Variants in SULT1C3 observed in about 807,000 individuals in gnomAD.
SULT1C3 encodes sulfotransferase family 1C member 3.
A neutral mutation model predicts 28.4 loss-of-function variants in SULT1C3; 31 were observed. The ratio of observed to expected loss-of-function variants is 1.09; its 90% confidence interval spans 0.82 to 1.47. The LOEUF (loss-of-function observed/expected upper bound fraction) is 1.47. Among genes scored for constraint, SULT1C3 ranks in the 40% most tolerant of loss-of-function variants. The probability of loss-of-function intolerance (pLI) is 0.00; values close to 1 mark genes in which losing one functional copy is unlikely to be tolerated. For synonymous variants in SULT1C3, 106 were observed against 92.2 expected, an observed-to-expected ratio of 1.15 and a Z score of -0.86; for missense variants, 307 against 272.5, an observed-to-expected ratio of 1.13 and a Z score of -0.89.
Position 108,247,179 on chromosome 2 carries a change from C to A in SULT1C3, c.-7-9C>A. 1 of 1,499,442 alleles carries A rather than the reference C, an allele frequency of 6.7e-7. No individual in the cohort carries two copies. The highest frequency in any genetic ancestry group is 2.2e-5 in the Admixed American group (1 of 45,004). The allele number at this position is 1,499,442 out of a possible 1,614,324, so 92.9% of individuals were successfully genotyped here. On this transcript the variant is annotated splice_polypyrimidine_tract_variant and intron_variant, in intron 1 of 7. Coordinates refer to ENST00000681802, the MANE Select transcript of SULT1C3 (RefSeq NM_001320878.2). ...AAATTTTAATTAGTATTGATCTTAC[C>A]CATCCCAGATTCCCAATGGCGAAGA...
intron 5 of SULT1C3, among the ~76,000 whole-genome samples, chr2:108,258,337 G>C (rs1573225258): frequency 6.6e-6 from 1 of 152,222 alleles, no homozygotes; most frequent in East Asian, 1.9e-4. Context: ...TTCTGCTGCT[G>C]CTGAGTCTCT....
chr2:108,258,649 C>CTCCT lies in SULT1C3; in HGVS notation c.527-84_527-83insCCTT, dbSNP rs1287393822. 27 of 950,008 alleles carry CTCCT rather than the reference C, an allele frequency of 2.8e-5. No individual in the cohort carries two copies. The African/African-American group carries it at 4.5e-4, about 16-fold the overall frequency. 58.8% of individuals were successfully genotyped at this position (950,008 alleles called of 1,614,324 possible). On this transcript the variant is annotated intron_variant, in intron 5 of 7. Transcript: ENST00000681802. ...GGAACCAGAACGATAGTTACAGAAGCTTATTTCAAAGGAGCACTAATTTAC... is the reference window on the plus strand; with the variant it reads ...GGAACCAGAACGATAGTTACAGAAGCTCCTTTATTTCAAAGGAGCACTAATTTAC...
At chr2:108,263,634 CA>C (rs376230684), downstream of SULT1C3, among the ~76,000 whole-genome samples, 2 of 152,148 alleles carry the variant, frequency 1.3e-5, no homozygotes, top group African/African-American at 4.8e-5. Context: ...TTAGAGGCAG[CA>C]CCTGCTGAAA....
downstream of SULT1C3, chr2:108,265,293 A>G: frequency 6.2e-7 from 1 of 1,614,020 alleles, no homozygotes; most frequent in Non-Finnish European, 8.5e-7. Flanking sequence ...GAAGAATTTG[A>G]CAAGGACTAC....
At chr2:108,264,118 A>C (rs1360934369), downstream of SULT1C3, among the ~76,000 whole-genome samples, 4 of 152,198 alleles carry the variant, frequency 2.6e-5, no homozygotes, top group Non-Finnish European at 2.9e-5. Flanking sequence ...GATTAGTCCC[A>C]CATATTGGGA....
intron 1 of SULT1C3, among the ~76,000 whole-genome samples, chr2:108,244,438 G>A (rs563592179): frequency 1.4e-4 from 21 of 152,294 alleles, no homozygotes; most frequent in African/African-American, 4.8e-4. Context: ...CAGTTGTTAT[G>A]AGGTATCGCC....
chr2:108,250,721 T>TA (rs1180781581), intron 2 of SULT1C3, among the ~76,000 whole-genome samples: 4 of 151,660 alleles, frequency 2.6e-5, no homozygotes, highest in Non-Finnish European at 5.9e-5. Context: ...TCTCAGCAAT[T>TA]AAAAAAAATG....
At chr2:108,252,646 G>A (rs565637847) in intron 3 of SULT1C3, among the ~76,000 whole-genome samples, 153 bp downstream of exon 3, 2 of 151,984 alleles carry the variant, frequency 1.3e-5, no homozygotes, top group South Asian at 4.1e-4. Context: ...ACTCTAGATT[G>A]GGTCTTCAGG....
At chr2:108,245,118 T>C (rs1448159426) in intron 1 of SULT1C3, among the ~76,000 whole-genome samples, 2 of 152,136 alleles carry the variant, frequency 1.3e-5, no homozygotes, top group African/African-American at 2.4e-5. Flanking sequence ...CCTCAACTAT[T>C]TTCTGTCTTT....
rs377144104 is a variant in SULT1C3 at position 108,255,532 on chromosome 2, T to C, written c.400-40T>C. ...CACTTGAGTATTTCATGTCAGTCTA[T>C]TTTTCTCTCCATGGCTTCCTTCCCT... On this transcript the variant is annotated intron_variant, in intron 4 of 7. Coordinates refer to ENST00000681802, the MANE Select transcript of SULT1C3 (RefSeq NM_001320878.2). 5.1e-5 allele frequency: 81 copies of C among 1,600,600 alleles called. No individual in the cohort carries two copies. In the African/African-American group the frequency reaches 8.1e-4, roughly 16 times the overall value.
In SULT1C3 at chr2:108,252,493, G is replaced by A. The variant is rs747319540; in HGVS notation, c.301G>A (p.Asp101Asn). 3.7e-6 allele frequency: 6 copies of A among 1,611,650 alleles called. No homozygotes were observed. The highest frequency in any genetic ancestry group is 3.4e-6 in the Non-Finnish European group (4 of 1,178,676). Residue 101 changes from aspartate (D) to asparagine (N), a missense_variant and splice_region_variant, in exon 3 of 8, where the codon GAT (aspartate) becomes AAT (asparagine). Coordinates refer to ENST00000681802, the MANE Select transcript of SULT1C3 (RefSeq NM_001320878.2). ...GAAATTTCCCCATAAAGAAAAACCAGGTGAGTAATATGCACGAAGATAGAA... is the reference window on the plus strand; with the variant it reads ...GAAATTTCCCCATAAAGAAAAACCAAGTGAGTAATATGCACGAAGATAGAA... ...ELKFPHKEKP[D>N]LEFVLEMSSP...
At chr2:108,254,395 C>A (rs1224591409) in intron 4 of SULT1C3, among the ~76,000 whole-genome samples, 1 of 151,970 alleles carries the variant, frequency 6.6e-6, no homozygotes, top group Non-Finnish European at 1.5e-5. Context: ...CTACAGGAAG[C>A]TTCTGTGACC....
downstream of SULT1C3, among the ~76,000 whole-genome samples, chr2:108,262,103 C>A (rs1349019893): frequency 1.3e-5 from 2 of 151,984 alleles, no homozygotes; most frequent in Admixed American, 1.3e-4. Context: ...AGTTGGTGAT[C>A]CAGAGAAGAG....
At chr2:108,255,433 A>G in intron 4 of SULT1C3, 139 bp from the exon 5 acceptor site, 1 of 1,028,698 alleles carries the variant, frequency 9.7e-7, no homozygotes, top group South Asian at 1.7e-5. Flanking sequence ...CCATTTATTT[A>G]ATGTTTTAAT....
rs1458828891 is a variant in SULT1C3, at chr2:108,260,599, T to C, written c.834T>C (p.Thr278=). The change falls in exon 8 of 8, where the codon ACT becomes ACC. Residue 278 remains threonine (T), a synonymous_variant. Coordinates refer to ENST00000681802, the MANE Select transcript of SULT1C3 (RefSeq NM_001320878.2). ...GMPGDWKNHF[T]VALNENFDKH... Reference sequence around the variant, plus strand: ...CTGGAGACTGGAAGAACCACTTTACTGTGGCTTTGAATGAGAACTTTGATA... The same window carrying C: ...CTGGAGACTGGAAGAACCACTTTACCGTGGCTTTGAATGAGAACTTTGATA... The C allele has an allele frequency of 5.8e-6, 3 of 513,840 alleles. No homozygotes were observed. Among genetic ancestry groups the C allele is most frequent in the African/African-American group, 5.8e-5 (3 of 51,912 alleles). 31.8% of individuals were successfully genotyped at this position (513,840 alleles called of 1,614,324 possible). A position where few individuals can be genotyped will look rare whatever the true frequency, so the allele number is the denominator to read the frequency against.
At chr2:108,250,428 C>G (rs1675701088) in intron 2 of SULT1C3, among the ~76,000 whole-genome samples, 1 of 151,986 alleles carries the variant, frequency 6.6e-6, no homozygotes, top group Admixed American at 6.6e-5. Flanking sequence ...GATAAGGACA[C>G]AGAGCAACTG....
In SULT1C3 at chr2:108,252,447, T is replaced by C; in HGVS notation, c.255T>C (p.Asp85=). The change falls in exon 3 of 8, where the codon GAT becomes GAC. Residue 85 remains aspartate (D), a synonymous_variant. Transcript: ENST00000681802. ...VEKCKRAQTL[D]RHAFLELKFP... is the part of the protein sequence containing the mutation. Reference sequence around the variant, plus strand: ...AATGCAAAAGAGCCCAGACTCTAGATAGACACGCTTTCCTTGAACTGAAAT... The same window carrying C: ...AATGCAAAAGAGCCCAGACTCTAGACAGACACGCTTTCCTTGAACTGAAAT... The C allele has an allele frequency of 6.2e-7, 1 of 1,612,508 alleles. No homozygotes were observed. Among genetic ancestry groups the C allele is most frequent in the Non-Finnish European group, 8.5e-7 (1 of 1,179,098 alleles).
At chr2:108,242,569 C>T (rs1357680958) in intron 1 of SULT1C3, among the ~76,000 whole-genome samples, 1 of 152,150 alleles carries the variant, frequency 6.6e-6, no homozygotes, top group East Asian at 1.9e-4. Flanking sequence ...TACTCCTAGC[C>T]GTCCCTTACA....
At position 108,247,371 on chromosome 2, in the gene SULT1C3, G is replaced by A. The variant is rs763620088; in HGVS notation, c.172+5G>A. ...TGGCAACTTACCCAAAGTCAGGTAA[G>A]GGTAGCAAAACATAAAAATATTCAA... On this transcript the variant is annotated splice_donor_5th_base_variant and intron_variant, in intron 2 of 7. Transcript: ENST00000681802. 3 of 1,528,400 alleles carry A rather than the reference G, an allele frequency of 2.0e-6. No individual in the cohort carries two copies. The highest frequency in any genetic ancestry group is 2.6e-5 in the South Asian group (2 of 78,394). The allele number at this position is 1,528,400 out of a possible 1,614,324, so 94.7% of individuals were successfully genotyped here.
Sources: gnomAD v4.1 joint callset for allele counts (sites outside exome capture counted in the v4.1 genomes callset) on GRCh38, gnomAD v4.1.1 for gene constraint, MANE v1.5 for transcripts, NCBI Gene and HGNC (gene_info 2026-07-23, HGNC 2026-07-21) for gene names.